The following LRMDA variants were observed in gnomAD, a reference collection of about 807,000 sequenced individuals.
The protein encoded by LRMDA is leucine rich melanocyte differentiation associated, also known as leucine-rich melanocyte differentiation-associated protein.
A neutral mutation model predicts 29.8 loss-of-function variants in LRMDA; 18 were observed. The ratio of observed to expected loss-of-function variants is 0.60; its 90% CI spans 0.42 to 0.90. The LOEUF is 0.90. Ranked by LOEUF, LRMDA falls within the 40% of genes least tolerant of loss-of-function variation. The pLI is 0.00. For synonymous variants in LRMDA, 125 were observed against 109.4 expected (o/e 1.14, Z -0.89); for missense variants, 273 against 273.9 (o/e 1.00, Z 0.02).
chr10:76,161,997 G>C (rs529931961), intron 5 of LRMDA, among the ~76,000 whole-genome samples: 17 of 152,334 alleles, frequency 1.1e-4, no homozygotes, highest in Admixed American at 1.0e-3. Context: ...TTTGTTCACT[G>C]TAACTTTGAC....
intron 6 of LRMDA, among the ~76,000 whole-genome samples, chr10:76,343,662 G>A (rs992003234): frequency 4.6e-5 from 7 of 152,002 alleles, no homozygotes; most frequent in South Asian, 4.1e-4. Flanking sequence ...ACTTAGAGGC[G>A]TTCCTGTGAA....
At chr10:76,415,339 C>T (rs775215264) in intron 6 of LRMDA, among the ~76,000 whole-genome samples, 5 of 152,152 alleles carry the variant, frequency 3.3e-5, no homozygotes, top group African/African-American at 1.2e-4. Context: ...TCCAGAAGAG[C>T]TTTAGTTCCA....
chr10:75,521,922 G>A (rs1468176818), intron 2 of LRMDA, among the ~76,000 whole-genome samples: 2 of 152,230 alleles, frequency 1.3e-5, no homozygotes, highest in East Asian at 1.9e-4. Flanking sequence ...ACTGAAGGGA[G>A]GGAGAGAAAG....
chr10:75,865,643 T>G (rs1006901217), intron 2 of LRMDA, among the ~76,000 whole-genome samples: 27 of 152,352 alleles, frequency 1.8e-4, no homozygotes, highest in Admixed American at 1.4e-3. Context: ...TGTCCAATGA[T>G]ATTCAAGTGA....
chr10:75,712,266 T>A (rs1842444936), intron 2 of LRMDA, among the ~76,000 whole-genome samples: 1 of 152,170 alleles, frequency 6.6e-6, no homozygotes, highest in Admixed American at 6.5e-5. Context: ...CCTCCGTGCG[T>A]CTTTCTCTCT....
intron 5 of LRMDA, among the ~76,000 whole-genome samples, chr10:76,282,736 CG>C (rs760899788): frequency 6.6e-6 from 1 of 152,130 alleles, no homozygotes; most frequent in Non-Finnish European, 1.5e-5. Flanking sequence ...ATATCCCCTT[CG>C]TCTGCAAACC....
intron 5 of LRMDA, among the ~76,000 whole-genome samples, chr10:76,125,955 G>T (rs1030336695): frequency 2.0e-5 from 3 of 152,224 alleles, no homozygotes; most frequent in African/African-American, 7.2e-5. Flanking sequence ...GGAAAGGCAG[G>T]GGAGTAATAA....
intron 5 of LRMDA, among the ~76,000 whole-genome samples, chr10:76,212,266 CAT>C (rs1491115063): frequency 7.2e-6 from 1 of 139,528 alleles, no homozygotes; most frequent in Admixed American, 7.0e-5. Context: ...CACACACACA[CAT>C]AAAAAAAAAA....
Position 75,808,573 on chromosome 10 carries a change from G to T in LRMDA, c.132-227435G>T, listed in dbSNP as rs144699661. 5.9e-5 allele frequency among the ~76,000 whole-genome samples: 9 copies of T among 152,264 alleles called. No homozygotes were observed. The East Asian group carries it at 1.7e-3, about 29-fold the overall frequency. Reference sequence around the variant, plus strand: ...TTGCCAGGCTGGAGTGCAGTGGCGTGATCTCAGTTCACTGTAACTTCCGAC... The same window carrying T: ...TTGCCAGGCTGGAGTGCAGTGGCGTTATCTCAGTTCACTGTAACTTCCGAC... On this transcript the variant is annotated intron_variant, in intron 2 of 6. Coordinates refer to ENST00000611255, the MANE Select transcript of LRMDA (RefSeq NM_001305581.2).
rs1030281822 is a variant in LRMDA at position 75,658,926 on chromosome 10, T to C, written c.131+220432T>C. On this transcript the variant is annotated intron_variant, in intron 2 of 6. Transcript: ENST00000611255. ...CCCTGTCCTTCCCAGTCCTGGGGCA[T>C]TCAAGCTGAGTGCTGTGGGCTCAGG... Among the ~76,000 whole-genome samples the C allele has an allele frequency of 2.6e-5, 4 of 152,206 alleles. No individual in the cohort carries two copies. The East Asian group carries it at 7.7e-4, about 29-fold the overall frequency.
In LRMDA at chr10:76,142,462, T is replaced by A. The variant is rs537175409; in HGVS notation, c.516+83679T>A. On this transcript the variant is annotated intron_variant, in intron 5 of 6. Coordinates refer to ENST00000611255, the MANE Select transcript of LRMDA (RefSeq NM_001305581.2). ...AATACATTTATGTACCTAAATAATA[T>A]ATTGCTTAGTTTGGGGCTGTTTAAA... Among the ~76,000 whole-genome samples, 8 of 152,162 alleles carry A rather than the reference T, an allele frequency of 5.3e-5. No individual in the cohort carries two copies. In the East Asian group the frequency reaches 1.4e-3, roughly 26 times the overall value.
At chr10:75,711,346 G>T (rs1290561394) in intron 2 of LRMDA, among the ~76,000 whole-genome samples, 9 of 152,064 alleles carry the variant, frequency 5.9e-5, no homozygotes, top group East Asian at 1.9e-4. Flanking sequence ...AAAAAAGCAG[G>T]TACTAATCCC....
chr10:75,641,392 T>C (rs955539538), intron 2 of LRMDA, among the ~76,000 whole-genome samples: 15 of 132,886 alleles, frequency 1.1e-4, no homozygotes, highest in African/African-American at 3.7e-4. Context: ...CATTAATATG[T>C]GGATATGTTA....
intron 5 of LRMDA, among the ~76,000 whole-genome samples, chr10:76,088,919 G>A (rs919539923): frequency 2.6e-5 from 4 of 152,052 alleles, no homozygotes; most frequent in Non-Finnish European, 5.9e-5. Flanking sequence ...TCTAGACAAA[G>A]CCCTCCTAAT....
chr10:76,117,015 A>G (rs1262220498), intron 5 of LRMDA, among the ~76,000 whole-genome samples: 1 of 152,218 alleles, frequency 6.6e-6, no homozygotes, highest in East Asian at 1.9e-4. Context: ...TAACTGGGTT[A>G]GAACCTGGGC....
At chr10:76,012,514 G>C (rs1302879819) in intron 2 of LRMDA, among the ~76,000 whole-genome samples, 1 of 152,080 alleles carries the variant, frequency 6.6e-6, no homozygotes, top group East Asian at 1.9e-4. Context: ...TAATAAGATG[G>C]TTCTTTAATT....
chr10:75,650,871 A>G (rs1319040405), intron 2 of LRMDA, among the ~76,000 whole-genome samples: 3 of 152,122 alleles, frequency 2.0e-5, no homozygotes, highest in African/African-American at 7.2e-5. Flanking sequence ...ATGAGCCCCC[A>G]TGGTGGGCAA....
At chr10:75,538,255 G>A (rs1033143144) in intron 2 of LRMDA, among the ~76,000 whole-genome samples, 2 of 152,164 alleles carry the variant, frequency 1.3e-5, no homozygotes, top group African/African-American at 4.8e-5. Flanking sequence ...TAGAAGCTTT[G>A]TGCTGCCCAG....
At chr10:75,974,000 G>A (rs568838002) in intron 2 of LRMDA, among the ~76,000 whole-genome samples, 11 of 152,278 alleles carry the variant, frequency 7.2e-5, no homozygotes, top group African/African-American at 2.4e-4. Context: ...TCAGGGCTTG[G>A]CACATAGTTT....
Sources: allele counts gnomAD v4.1 joint callset (sites outside exome capture counted in the v4.1 genomes callset), GRCh38; gene constraint gnomAD v4.1.1; transcripts MANE v1.5; gene names NCBI Gene and HGNC (gene_info 2026-07-23, HGNC 2026-07-21).